Variants in MYH15 observed in about 807,000 individuals in gnomAD.
The protein encoded by MYH15 is myosin-15.
A neutral mutation model predicts 240.5 loss-of-function variants in MYH15; 227 were observed. The observed-to-expected ratio is 0.94, with a 90% confidence interval of 0.85 to 1.05. The LOEUF is 1.05. MYH15 is among the 50% of genes least tolerant of loss of function. MYH15 has a pLI of 0.00. For missense variants in MYH15, 2,217 were observed against 2,247.5 expected, an observed-to-expected ratio of 0.99 and a Z score of 0.27; for synonymous variants, 785 against 796.7, an observed-to-expected ratio of 0.99 and a Z score of 0.25.
rs370664847 is a variant in MYH15 at position 108,459,293 on chromosome 3, A to G, written c.2020+69T>C. The G allele has an allele frequency of 5.1e-6, 5 of 974,368 alleles. No individual in the cohort carries two copies. In the African/African-American group the frequency reaches 8.6e-5, roughly 17 times the overall value. 60.4% of individuals were successfully genotyped at this position (974,368 alleles called of 1,614,324 possible). On this transcript the variant is annotated intron_variant, in intron 18 of 40. Coordinates refer to ENST00000693548, the MANE Select transcript of MYH15 (RefSeq NM_014981.3). Reference sequence around the variant, plus strand: ...AAAGGCACCAATAAATATTTCTTTAAAAGATATTCAATATAGCTAATATCA... The same window carrying G: ...AAAGGCACCAATAAATATTTCTTTAGAAGATATTCAATATAGCTAATATCA...
At chr3:108,492,198 T>TA (rs2107599330) in intron 9 of MYH15, among the ~76,000 whole-genome samples, 1 of 49,668 alleles carries the variant, frequency 2.0e-5, no homozygotes, top group South Asian at 9.0e-4. Flanking sequence ...ATTAATGCTT[T>TA]TATACACACA....
At chr3:108,438,009 C>G (rs1281011508) in intron 24 of MYH15, among the ~76,000 whole-genome samples, 2 of 152,236 alleles carry the variant, frequency 1.3e-5, no homozygotes, top group African/African-American at 4.8e-5. Context: ...AAGCTCACTT[C>G]TTCACATGGC....
intron 9 of MYH15, among the ~76,000 whole-genome samples, chr3:108,489,128 A>C (rs1269060149): frequency 6.6e-6 from 1 of 152,102 alleles, no homozygotes; most frequent in African/African-American, 2.4e-5. Flanking sequence ...CTTGCTATTG[A>C]GTTGAGTTCT....
At chr3:108,518,030 A>G (rs1025837494) in intron 1 of MYH15, among the ~76,000 whole-genome samples, 1 of 152,220 alleles carries the variant, frequency 6.6e-6, no homozygotes, top group Admixed American at 6.5e-5. Flanking sequence ...AAAGGAAGGA[A>G]TCTCAAACAT....
intron 26 of MYH15, 118 bp downstream of exon 26, chr3:108,430,714 C>T: frequency 1.5e-6 from 1 of 652,910 alleles, no homozygotes; most frequent in Admixed American, 2.8e-5. Context: ...TTCTTTTCTG[C>T]CTCTGCCTGT....
At chr3:108,465,724 C>T (rs1178898779) in intron 14 of MYH15, among the ~76,000 whole-genome samples, 1 of 152,010 alleles carries the variant, frequency 6.6e-6, no homozygotes, top group Non-Finnish European at 1.5e-5. Context: ...ATCAGGAGTT[C>T]GAGACCAGCC....
intron 1 of MYH15, among the ~76,000 whole-genome samples, chr3:108,523,996 T>C (rs947852217): frequency 4.6e-5 from 7 of 151,932 alleles, no homozygotes; most frequent in Admixed American, 3.9e-4. Context: ...TTTGCCGTTA[T>C]AAAAAAATGT....
At position 108,430,925 on chromosome 3, in the gene MYH15, G is replaced by C. The variant is rs1344372960; in HGVS notation, c.3222-3C>G. On this transcript the variant is annotated splice_polypyrimidine_tract_variant and splice_region_variant and intron_variant, in intron 25 of 40. Coordinates refer to ENST00000693548, the MANE Select transcript of MYH15 (RefSeq NM_014981.3). ...TCTGACTCAATTCTAATTCTTTTCT[G>C]TTTAGAAAAAGATATCAAATACAAT... 9 of 1,588,354 alleles carry C rather than the reference G, an allele frequency of 5.7e-6. No individual in the cohort carries two copies. The highest frequency in any genetic ancestry group is 7.8e-6 in the Non-Finnish European group (9 of 1,159,310).
At chr3:108,476,319 T>C (rs1371756416) in intron 12 of MYH15, 78 bp downstream of exon 12, 8 of 895,848 alleles carry the variant, frequency 8.9e-6, no homozygotes, top group Admixed American at 4.4e-5. Flanking sequence ...TCCTTAGTAG[T>C]TGAAAAATAT....
chr3:108,387,358 T>C (rs977153313), intron 38 of MYH15, among the ~76,000 whole-genome samples: 2 of 152,140 alleles, frequency 1.3e-5, no homozygotes, highest in South Asian at 4.1e-4. Flanking sequence ...CCTAATGATA[T>C]TAGCTGATTT....
At chr3:108,534,540 A>C in the MYH15 span, among the ~76,000 whole-genome samples, 2 of 152,086 alleles carry the variant, frequency 1.3e-5, no homozygotes, top group Non-Finnish European at 2.9e-5. Context: ...TCTTCTTTAC[A>C]AGTTGTTTCT....
In MYH15 at chr3:108,456,877, A is replaced by T. The variant is rs548545110; in HGVS notation, c.2027T>A (p.Leu676Gln). The T allele has an allele frequency of 6.2e-7, 1 of 1,606,550 alleles. No homozygotes were observed. Among genetic ancestry groups the T allele is most frequent in the South Asian group, 1.1e-5 (1 of 90,320 alleles). Residue 676 changes from leucine to glutamine, a missense_variant, in exon 19 of 41, where the codon CTG becomes CAG. Transcript: ENST00000693548. The part of the protein sequence containing the change: ...NPNVNKIPGI[L>Q]DPYLVLQQLR... ...CTGCTGTAGAACCAAGTAAGGGTCC[A>T]GTATACCTGGAAAAAAAAAAGAGTC...
chr3:108,428,749 T>C lies in MYH15; in HGVS notation c.3445A>G (p.Ser1149Gly), dbSNP rs367780224. 3 of 1,613,976 alleles carry C rather than the reference T, an allele frequency of 1.9e-6. No individual in the cohort carries two copies. The African/African-American group carries it at 4.0e-5, about 22-fold the overall frequency. ...TTAGTTATTTCCAGCTGAGCCAAAC[T>C]GGATCCTCCTACCTCCTCCAGCCTC... ...NERLEEVGGS[S>G]LAQLEITKKQ... The change falls in exon 27 of 41, where the codon AGT becomes GGT. Residue 1149 changes from serine to glycine, a missense_variant. Coordinates refer to ENST00000693548, the MANE Select transcript of MYH15 (RefSeq NM_014981.3).
intron 14 of MYH15, among the ~76,000 whole-genome samples, chr3:108,467,499 A>G (rs1253886312): frequency 6.6e-6 from 1 of 152,130 alleles, no homozygotes; most frequent in African/African-American, 2.4e-5. Flanking sequence ...TAGGTAGTAT[A>G]GTTTGGACTC....
In MYH15 at chr3:108,527,474, T is replaced by C. The variant is rs1179597971; in HGVS notation, c.-58+1789A>G. 5.3e-5 allele frequency among the ~76,000 whole-genome samples: 8 copies of C among 152,158 alleles called. No homozygotes were observed. The South Asian group carries it at 1.0e-3, about 20-fold the overall frequency. On this transcript the variant is annotated intron_variant, in intron 1 of 41. Coordinates refer to the MYH15 transcript ENST00000273353. ...TCTCATTGTAAAGGACTCTCAGCTA[T>C]AGACAGTTACATGTTTTATGAGACA...
At chr3:108,546,140 G>C in the MYH15 span, among the ~76,000 whole-genome samples, 7 of 152,090 alleles carry the variant, frequency 4.6e-5, no homozygotes, top group African/African-American at 1.7e-4. Flanking sequence ...TGTTCTTTCA[G>C]AATTCTCTCA....
At chr3:108,530,376 C>T (rs1298702712), upstream of MYH15, among the ~76,000 whole-genome samples, 1 of 152,162 alleles carries the variant, frequency 6.6e-6, no homozygotes, top group East Asian at 1.9e-4. Context: ...GTATGACATT[C>T]TTGAAAAGGC....
chr3:108,467,300 AAT>A (rs1181463425), intron 14 of MYH15, among the ~76,000 whole-genome samples: 1 of 151,730 alleles, frequency 6.6e-6, no homozygotes, highest in Non-Finnish European at 1.5e-5. Context: ...ACTAGATATT[AAT>A]ATGATTCATT....
In MYH15 at chr3:108,416,822, T is replaced by C. The variant is rs775603465; in HGVS notation, c.3938A>G (p.Lys1313Arg). Residue 1313 changes from lysine (K) to arginine (R), a missense_variant, in exon 29 of 41, where the codon AAG (lysine) becomes AGG (arginine). By Grantham distance (26) the Lys-to-Arg change is conservative. Coordinates refer to ENST00000693548, the MANE Select transcript of MYH15 (RefSeq NM_014981.3). The part of the protein sequence containing the change: ...QIEDLRGQLE[K>R]ETKSQSALAH... ...TAATAGATACATTACTTTGGTCTCC[T>C]TTTCCAGCTGCCCTCTCAGGTCTTC... is the stretch of plus-strand genomic sequence containing the variant. The C allele has an allele frequency of 1.7e-5, 27 of 1,611,830 alleles. No homozygotes were observed. The highest frequency in any genetic ancestry group is 2.3e-5 in the Non-Finnish European group (27 of 1,178,488).
Sources: allele counts gnomAD v4.1 joint callset (sites outside exome capture counted in the v4.1 genomes callset), GRCh38; gene constraint gnomAD v4.1.1; transcripts MANE v1.5; gene names NCBI Gene and HGNC (gene_info 2026-07-23, HGNC 2026-07-21).